Variants in SOX5 observed in about 807,000 individuals in gnomAD.
The protein encoded by SOX5 is SRY-box transcription factor 5, also known as transcription factor SOX-5.
A neutral mutation model predicts 92.0 loss-of-function variants in SOX5; 9 were observed. The ratio of observed to expected loss-of-function variants is 0.10; its 90% CI spans 0.06 to 0.17. SOX5 has a LOEUF of 0.17. Ranked by LOEUF, SOX5 falls within the 10% of genes least tolerant of loss-of-function variation. The probability of loss-of-function intolerance (pLI) is 1.00; values close to 1 mark genes in which losing one functional copy is unlikely to be tolerated. For missense variants in SOX5, 642 were observed against 944.5 expected, an observed-to-expected ratio of 0.68 and a Z score of 4.20; for synonymous variants, 344 against 336.3, an observed-to-expected ratio of 1.02 and a Z score of -0.25.
intron 3 of SOX5, chr12:24,227,659 T>C (rs1962376016): frequency 6.6e-6 from 1 of 152,116 alleles, no homozygotes; most frequent in African/African-American, 2.4e-5. Flanking sequence ...AGCAGCAAAA[T>C]CATTGCTAAT....
intron 4 of SOX5, among the ~76,000 whole-genome samples, chr12:24,166,799 G>A (rs1191009720): frequency 6.6e-6 from 1 of 152,042 alleles, no homozygotes; most frequent in African/African-American, 2.4e-5. Context: ...TCCTCCCTTG[G>A]TAAATATTAG....
chr12:23,793,336 A>AG (rs1214903933), intron 3 of SOX5, among the ~76,000 whole-genome samples: 1 of 152,174 alleles, frequency 6.6e-6, no homozygotes, highest in Non-Finnish European at 1.5e-5. Context: ...CTTTAGGGTG[A>AG]GGGGCAGACA....
chr12:24,326,999 T>C (rs916009283), intron 2 of SOX5, among the ~76,000 whole-genome samples: 4 of 152,168 alleles, frequency 2.6e-5, no homozygotes, highest in Non-Finnish European at 4.4e-5. Flanking sequence ...TGGCACAGCG[T>C]CTCAGACACA....
At chr12:23,995,331 TAA>T in intron 4 of SOX5, among the ~76,000 whole-genome samples, 1 of 152,324 alleles carries the variant, frequency 6.6e-6, no homozygotes, top group East Asian at 1.9e-4. Context: ...AACAAATTAA[TAA>T]AAAGATAACA....
chr12:23,589,606 T>G (rs941021884), intron 9 of SOX5, among the ~76,000 whole-genome samples: 1 of 151,996 alleles, frequency 6.6e-6, no homozygotes, highest in Non-Finnish European at 1.5e-5. Flanking sequence ...AAGTAAGGCA[T>G]AGTTCACTAT....
intron 2 of SOX5, among the ~76,000 whole-genome samples, chr12:24,281,986 A>T (rs74439758): frequency 0.033 from 5,081 of 152,146 alleles, 151 homozygotes; most frequent in East Asian, 0.095. Flanking sequence ...CACCTACTCA[A>T]ATTTCTGATG....
rs554320620 is a variant in SOX5 at position 24,045,298 on chromosome 12, G to T, written c.-1-149274C>A. 2.0e-5 allele frequency among the ~76,000 whole-genome samples: 3 copies of T among 152,116 alleles called. No homozygotes were observed. In the South Asian group the frequency reaches 6.2e-4, roughly 32 times the overall value. ...CATAGGATTGTTTCAAGGACCAAAG[G>T]GATTAAATATTTGAAGTAACTTTAA... On this transcript the variant is annotated intron_variant, in intron 4 of 4. Coordinates refer to the SOX5 transcript ENST00000446891.
rs763464831 is a variant in SOX5, at chr12:23,604,418, T to C, written c.1133A>G (p.Lys378Arg). 8 of 1,613,790 alleles carry C rather than the reference T, an allele frequency of 5.0e-6. No homozygotes were observed. Among genetic ancestry groups the C allele is most frequent in the Non-Finnish European group, 6.8e-6 (8 of 1,179,772 alleles). ...TTTGGGTGGTGGGCTGTTTGTGCTC[T>C]TGTCTGTGTGAATGCTGGTAGGAGA... is the stretch of plus-strand genomic sequence containing the variant. ...AVSPTSIHTD[K>R]STNSPPPKSK... The change falls in exon 9 of 15, where the codon AAG becomes AGG. Residue 378 changes from lysine (K) to arginine (R), a missense_variant. Physicochemically the swap from Lys to Arg is conservative, Grantham distance 26 (BLOSUM62 2). Coordinates refer to ENST00000451604, the MANE Select transcript of SOX5 (RefSeq NM_006940.6).
At chr12:24,139,899 A>G (rs1196052479) in intron 4 of SOX5, among the ~76,000 whole-genome samples, 2 of 152,150 alleles carry the variant, frequency 1.3e-5, no homozygotes, top group African/African-American at 4.8e-5. Context: ...TACTTTCCTT[A>G]GGATATACGA....
intron 4 of SOX5, among the ~76,000 whole-genome samples, chr12:24,133,977 T>C (rs1949890823): frequency 6.6e-6 from 1 of 152,188 alleles, no homozygotes; most frequent in Non-Finnish European, 1.5e-5. Context: ...GCTTCTACTT[T>C]AGGGCAAATT....
intron 1 of SOX5, chr12:23,920,214 G>A (rs1937741684): frequency 6.6e-6 from 1 of 152,074 alleles, no homozygotes; most frequent in Non-Finnish European, 1.5e-5. Context: ...ACAACTAAAT[G>A]TTTTCTACAA....
At chr12:24,208,371 A>T (rs1200880176) in intron 4 of SOX5, among the ~76,000 whole-genome samples, 2 of 152,210 alleles carry the variant, frequency 1.3e-5, no homozygotes, top group Non-Finnish European at 2.9e-5. Flanking sequence ...TTAGCATAAG[A>T]TTCAAAGTCT....
Position 23,888,600 on chromosome 12 carries a change from G to A in SOX5, c.270+7193C>T, listed in dbSNP as rs968684388. Among the ~76,000 whole-genome samples, 6 of 152,128 alleles carry A rather than the reference G, an allele frequency of 3.9e-5. No individual in the cohort carries two copies. The South Asian group carries it at 1.0e-3, about 26-fold the overall frequency. On this transcript the variant is annotated intron_variant, in intron 2 of 14. Coordinates refer to ENST00000451604, the MANE Select transcript of SOX5 (RefSeq NM_006940.6). ...TTTATGGCAACAGGACAAAATGATC[G>A]ATTGCACAACTTATCCAGTGGCTTT...
intron 3 of SOX5, among the ~76,000 whole-genome samples, chr12:23,816,888 C>A (rs2096006312): frequency 6.6e-6 from 1 of 152,174 alleles, no homozygotes; most frequent in Non-Finnish European, 1.5e-5. Flanking sequence ...GGCTCTTTTT[C>A]CATTCTTGAG....
chr12:24,046,982 C>T (rs754096809), intron 4 of SOX5, among the ~76,000 whole-genome samples: 6 of 152,118 alleles, frequency 3.9e-5, no homozygotes, highest in Admixed American at 2.0e-4. Context: ...CCACCGCTCC[C>T]GGCCCTGAAT....
intron 6 of SOX5, among the ~76,000 whole-genome samples, chr12:23,723,795 C>T (rs2092963213): frequency 1.3e-5 from 2 of 151,284 alleles, no homozygotes; most frequent in Non-Finnish European, 2.9e-5. Flanking sequence ...ACATTAAAAC[C>T]TTCTCATTAG....
chr12:23,534,710 T>C lies in SOX5; in HGVS notation c.1989-188A>G, dbSNP rs865823955. Among the ~76,000 whole-genome samples, 574 of 148,556 alleles carry C rather than the reference T, an allele frequency of 3.9e-3. 4 individuals are homozygous for C. The highest frequency in any genetic ancestry group is 0.013 in the African/African-American group (541 of 40,370). On this transcript the variant is annotated intron_variant, in intron 14 of 14. Coordinates refer to ENST00000451604, the MANE Select transcript of SOX5 (RefSeq NM_006940.6). Reference sequence around the variant, plus strand: ...CTTGTTTTTCTTTTCTTTTCTTTTTTTTTTTTTTTTTTTGAGATGACGTAG... The same window carrying C: ...CTTGTTTTTCTTTTCTTTTCTTTTTCTTTTTTTTTTTTTGAGATGACGTAG...
intron 4 of SOX5, among the ~76,000 whole-genome samples, chr12:24,085,093 G>T (rs201032215): frequency 1.7e-5 from 1 of 59,880 alleles, no homozygotes; most frequent in Non-Finnish European, 3.4e-5. Flanking sequence ...TCTTAGCATG[G>T]CTGACGTATA....
rs533566911 is a variant in SOX5 at position 23,923,699 on chromosome 12, T to C, written c.38+25865A>G. ...CAATTTTGGGGTTTAGGGTCTTCCA[T>C]AGCCTGTCCCCAGCCTATATGTTTT... On this transcript the variant is annotated intron_variant, in intron 1 of 14. Transcript: ENST00000451604. 6.6e-5 allele frequency among the ~76,000 whole-genome samples: 10 copies of C among 152,290 alleles called. No homozygotes were observed. The South Asian group carries it at 2.1e-3, about 32-fold the overall frequency.
Sources: gnomAD v4.1 joint callset for allele counts (sites outside exome capture counted in the v4.1 genomes callset) on GRCh38, gnomAD v4.1.1 for gene constraint, MANE v1.5 for transcripts, NCBI Gene and HGNC (gene_info 2026-07-23, HGNC 2026-07-21) for gene names.